Variants in MAP4 observed in about 807,000 individuals in gnomAD.
MAP4 encodes the protein microtubule-associated protein 4.
MAP4 carries 76 observed loss-of-function variants against 170.2 expected under a neutral mutation model. That is an observed-to-expected ratio of 0.45 (90% CI 0.37 to 0.54). The LOEUF is 0.54. MAP4 is among the 20% of genes least tolerant of loss of function. The probability of loss-of-function intolerance (pLI) is 0.00; values close to 1 mark genes in which losing one functional copy is unlikely to be tolerated. For synonymous variants in MAP4, 909 were observed against 994.5 expected (o/e 0.91, Z 1.62); for missense variants, 2,506 against 2,748.0 (o/e 0.91, Z 1.97).
Position 47,872,049 on chromosome 3 carries a change from C to G in MAP4, c.5809G>C (p.Ala1937Pro). Residue 1937 changes from alanine (A) to proline (P), a missense_variant, in exon 13 of 21, where the codon GCT becomes CCT. Ala to Pro is a conservative substitution (Grantham distance 27, BLOSUM62 -1). Coordinates refer to ENST00000683076, the MANE Select transcript of MAP4 (RefSeq NM_001385682.1). ...PEKRASPSKP[A>P]SAPASRSGSK... is the part of the protein sequence containing the mutation. ...CCAGATCTGGAGGCTGGGGCAGAAG[C>G]TGGCTTGGATGGTGAGGCCCGCTTC... The G allele has an allele frequency of 1.2e-6, 2 of 1,613,436 alleles. No individual in the cohort carries two copies. Among genetic ancestry groups the G allele is most frequent in the Non-Finnish European group, 1.7e-6 (2 of 1,179,508 alleles).
intron 10 of MAP4, chr3:47,891,559 T>C (rs1436693315): frequency 6.5e-7 from 1 of 1,530,134 alleles, no homozygotes; most frequent in African/African-American, 1.4e-5. Context: ...GGTTGACAGC[T>C]GGGGGAACTG....
At chr3:47,990,504 G>A (rs1462009736) in intron 2 of MAP4, among the ~76,000 whole-genome samples, 3 of 152,124 alleles carry the variant, frequency 2.0e-5, no homozygotes, top group Admixed American at 2.0e-4. Context: ...TTATTCTATG[G>A]GAATAAGCTT....
upstream of MAP4, among the ~76,000 whole-genome samples, chr3:48,017,490 T>TTC (rs1553724003): frequency 1.4e-5 from 2 of 138,256 alleles, no homozygotes; most frequent in Non-Finnish European, 3.0e-5. Context: ...TTTTCTTTTT[T>TTC]TTTTTTTTTG....
chr3:47,973,138 A>G, intron 3 of MAP4: 1 of 983,182 alleles, frequency 1.0e-6, no homozygotes, highest in Non-Finnish European at 1.2e-6. Flanking sequence ...ATCACATTAG[A>G]AGTCCCAATA....
intron 3 of MAP4, chr3:47,931,812 G>A (rs771449211): frequency 2.0e-5 from 3 of 152,098 alleles, no homozygotes; most frequent in Non-Finnish European, 4.4e-5. Flanking sequence ...TATTTTTAAA[G>A]ACTAGTCAAG....
chr3:48,016,474 G>C (rs1445382536), upstream of MAP4: 1 of 152,192 alleles, frequency 6.6e-6, no homozygotes, highest in African/African-American at 2.4e-5. Flanking sequence ...TGTTAGCCAT[G>C]TGATACAGGC....
intron 1 of MAP4, among the ~76,000 whole-genome samples, chr3:48,045,574 G>T (rs2100124070): frequency 6.6e-6 from 1 of 152,082 alleles, no homozygotes; most frequent in African/African-American, 2.4e-5. Flanking sequence ...CCCTTCCATG[G>T]AAAAACTGTC....
chr3:48,037,976 G>A (rs557408840), intron 1 of MAP4, among the ~76,000 whole-genome samples: 3 of 151,874 alleles, frequency 2.0e-5, no homozygotes, highest in Non-Finnish European at 2.9e-5. Context: ...AAACCAGCCT[G>A]GCCAACATGG....
chr3:47,995,866 T>A (rs971766766), intron 2 of MAP4, among the ~76,000 whole-genome samples: 1 of 152,086 alleles, frequency 6.6e-6, no homozygotes, highest in African/African-American at 2.4e-5. Flanking sequence ...AGAAGAGACA[T>A]TGGGTACCCT....
intron 4 of MAP4, among the ~76,000 whole-genome samples, chr3:47,924,264 G>A (rs2100044585): frequency 1.3e-5 from 2 of 152,094 alleles, no homozygotes; most frequent in Non-Finnish European, 2.9e-5. Flanking sequence ...AGAACTGAGT[G>A]GTTATGAGGA....
chr3:47,870,380 A>AC (rs565976726), intron 15 of MAP4, among the ~76,000 whole-genome samples: 4 of 151,968 alleles, frequency 2.6e-5, no homozygotes, highest in African/African-American at 4.8e-5. Context: ...GATATATTCC[A>AC]CTCAAGTCAT....
chr3:47,881,484 ATATATATATAT>A (rs2096739470), intron 10 of MAP4, among the ~76,000 whole-genome samples: 1 of 96,228 alleles, frequency 1.0e-5, no homozygotes, highest in Admixed American at 1.2e-4. Context: ...ATATATATAT[ATATATATATAT>A]ATGCATAATC....
chr3:48,046,928 A>T (rs1456818237), intron 1 of MAP4, among the ~76,000 whole-genome samples: 4 of 151,520 alleles, frequency 2.6e-5, no homozygotes, highest in African/African-American at 7.3e-5. Context: ...CCCCGTCTCT[A>T]CTAAAAATAC....
intron 3 of MAP4, among the ~76,000 whole-genome samples, chr3:47,934,753 C>A (rs1207267901): frequency 6.6e-6 from 1 of 152,142 alleles, no homozygotes; most frequent in Non-Finnish European, 1.5e-5. Context: ...GTGAAAGGAA[C>A]CTAGAGGATC....
intron 1 of MAP4, among the ~76,000 whole-genome samples, chr3:48,074,493 T>C (rs1244267991): frequency 1.0e-4 from 15 of 147,348 alleles, no homozygotes; most frequent in Admixed American, 6.8e-5. Context: ...ATACATTATA[T>C]ATATATATAC....
intron 1 of MAP4, among the ~76,000 whole-genome samples, chr3:48,037,632 C>T (rs1046770221): frequency 2.6e-5 from 4 of 152,012 alleles, no homozygotes; most frequent in African/African-American, 7.2e-5. Flanking sequence ...TGGGCCCAAG[C>T]GATCCTGTCA....
chr3:48,055,861 A>G (rs1393006188), intron 1 of MAP4, among the ~76,000 whole-genome samples: 5 of 111,962 alleles, frequency 4.5e-5, no homozygotes, highest in East Asian at 5.6e-4. Context: ...CCGCCGCCCC[A>G]TCTGGGATGT....
intron 10 of MAP4, among the ~76,000 whole-genome samples, chr3:47,901,171 C>T (rs968537218): frequency 6.6e-5 from 10 of 152,198 alleles, no homozygotes; most frequent in African/African-American, 2.4e-4. Flanking sequence ...AACTTAGTCC[C>T]TTTCTGCTCT....
At chr3:47,908,802 A>G (rs1384759506) in intron 9 of MAP4, among the ~76,000 whole-genome samples, 2 of 152,132 alleles carry the variant, frequency 1.3e-5, no homozygotes, top group Non-Finnish European at 2.9e-5. Flanking sequence ...CTAAAATTCA[A>G]CGTTCAGTGC....
Sources: gnomAD v4.1 joint callset for allele counts (sites outside exome capture counted in the v4.1 genomes callset) on GRCh38, gnomAD v4.1.1 for gene constraint, MANE v1.5 for transcripts, NCBI Gene and HGNC (gene_info 2026-07-23, HGNC 2026-07-21) for gene names.